CNTNAP2: variants seen among roughly 807,000 people sequenced by gnomAD.
CNTNAP2 encodes the protein contactin associated protein 2, also known as contactin-associated protein-like 2.
In CNTNAP2, 98 loss-of-function variants were observed where a neutral mutation model predicts 155.2. The observed-to-expected ratio is 0.63, with a 90% CI of 0.54 to 0.75. The LOEUF (loss-of-function observed/expected upper bound fraction) is 0.75, where lower values mean the gene tolerates loss of function less well. Among genes scored for constraint, CNTNAP2 ranks in the 30% least tolerant of loss-of-function variants. The probability of loss-of-function intolerance (pLI) is 0.00; values close to 1 mark genes in which losing one functional copy is unlikely to be tolerated. For missense variants in CNTNAP2, 1,727 were observed against 1,688.1 expected (o/e 1.02, Z -0.40); for synonymous variants, 651 against 631.2 (o/e 1.03, Z -0.47).
chr7:146,295,837 C>T (rs190790965), intron 1 of CNTNAP2, among the ~76,000 whole-genome samples: 61 of 148,852 alleles, frequency 4.1e-4, no homozygotes, highest in African/African-American at 1.3e-3. Context: ...TGCACAGCAC[C>T]GCACTCCAGC....
chr7:146,991,754 A>G (rs1313226448), intron 3 of CNTNAP2, among the ~76,000 whole-genome samples: 1 of 152,136 alleles, frequency 6.6e-6, no homozygotes, highest in East Asian at 1.9e-4. Flanking sequence ...AAATGCTGAG[A>G]TCGTTGAACA....
chr7:146,920,201 G>C (rs1017094772), intron 3 of CNTNAP2, among the ~76,000 whole-genome samples: 1 of 152,062 alleles, frequency 6.6e-6, no homozygotes, highest in Non-Finnish European at 1.5e-5. Context: ...ATCACCTGAG[G>C]TCAGGCGTTC....
At chr7:148,220,349 G>A (rs1562999761) in intron 19 of CNTNAP2, among the ~76,000 whole-genome samples, 4 of 152,260 alleles carry the variant, frequency 2.6e-5, no homozygotes, top group African/African-American at 9.6e-5. Context: ...TGATCCGCCC[G>A]CCTCGGCCTT....
At chr7:146,373,937 A>G (rs1795271602) in intron 1 of CNTNAP2, among the ~76,000 whole-genome samples, 1 of 152,214 alleles carries the variant, frequency 6.6e-6, no homozygotes. Context: ...AGGTTTGAGA[A>G]TGTTTTAAAA....
chr7:147,858,905 GTTATT>G (rs573001255), intron 13 of CNTNAP2, among the ~76,000 whole-genome samples: 47 of 152,290 alleles, frequency 3.1e-4, no homozygotes, highest in African/African-American at 1.1e-3. Flanking sequence ...AGAAAATTAA[GTTATT>G]TTGTTTGAAG....
intron 21 of CNTNAP2, among the ~76,000 whole-genome samples, chr7:148,322,693 A>G (rs562886300): frequency 6.6e-5 from 10 of 151,982 alleles, no homozygotes; most frequent in Admixed American, 2.6e-4. Context: ...AGTTTATCCA[A>G]CCTTATTTCT....
intron 1 of CNTNAP2, among the ~76,000 whole-genome samples, chr7:146,693,551 A>T (rs138020919): frequency 5.8e-4 from 89 of 152,260 alleles, no homozygotes; most frequent in African/African-American, 2.1e-3. Flanking sequence ...ATATTATAAG[A>T]TATAAGTTTA....
At chr7:147,911,143 A>T (rs939659693) in intron 14 of CNTNAP2, among the ~76,000 whole-genome samples, 11 of 151,532 alleles carry the variant, frequency 7.3e-5, no homozygotes, top group African/African-American at 2.7e-4. Flanking sequence ...GCCCCTGGCC[A>T]GTTAACCTTA....
chr7:148,238,582 T>C (rs1244633338), intron 20 of CNTNAP2, among the ~76,000 whole-genome samples: 1 of 152,172 alleles, frequency 6.6e-6, no homozygotes, highest in African/African-American at 2.4e-5. Flanking sequence ...TTCTTTGGAG[T>C]CACTAAAAGC....
chr7:146,654,384 T>A (rs1467517107), intron 1 of CNTNAP2, among the ~76,000 whole-genome samples: 1 of 152,092 alleles, frequency 6.6e-6, no homozygotes, highest in Non-Finnish European at 1.5e-5. Context: ...TATTGAGTTG[T>A]GTGGTGTTGG....
At chr7:146,965,049 ATACT>A (rs1797630005) in intron 3 of CNTNAP2, among the ~76,000 whole-genome samples, 3 of 152,224 alleles carry the variant, frequency 2.0e-5, no homozygotes, top group South Asian at 4.1e-4. Flanking sequence ...TTATGCATAA[ATACT>A]TAAATAATAA....
intron 11 of CNTNAP2, among the ~76,000 whole-genome samples, chr7:147,532,416 C>T (rs1278634697): frequency 6.6e-6 from 1 of 152,188 alleles, no homozygotes; most frequent in Non-Finnish European, 1.5e-5. Flanking sequence ...TTGTTCATGT[C>T]ACTATCAGCA....
intron 1 of CNTNAP2, among the ~76,000 whole-genome samples, chr7:146,404,254 G>A (rs1795758848): frequency 6.6e-6 from 1 of 152,018 alleles, no homozygotes; most frequent in African/African-American, 2.4e-5. Flanking sequence ...TGTTTTACAA[G>A]TAGTTGTGGA....
chr7:148,366,722 T>C (rs546932198), intron 21 of CNTNAP2, among the ~76,000 whole-genome samples: 149 of 152,260 alleles, frequency 9.8e-4, no homozygotes, highest in African/African-American at 3.5e-3. Context: ...TAAGAGGCCA[T>C]CATGCAGTTT....
At chr7:147,162,487 A>G (rs1190123227) in intron 8 of CNTNAP2, among the ~76,000 whole-genome samples, 1 of 152,218 alleles carries the variant, frequency 6.6e-6, no homozygotes, top group African/African-American at 2.4e-5. Flanking sequence ...ATGGGTGTAG[A>G]CAGGTATTAA....
At chr7:147,275,847 G>A (rs544169366) in intron 8 of CNTNAP2, among the ~76,000 whole-genome samples, 8 of 151,982 alleles carry the variant, frequency 5.3e-5, no homozygotes, top group African/African-American at 1.9e-4. Context: ...CCTTCAATCC[G>A]TAGTTTGTTG....
At chr7:147,957,740 T>C (rs1022707706) in intron 14 of CNTNAP2, among the ~76,000 whole-genome samples, 2 of 152,104 alleles carry the variant, frequency 1.3e-5, no homozygotes, top group African/African-American at 4.8e-5. Context: ...TACATATATA[T>C]TAAATGGAAA....
chr7:147,684,411 A>T (rs1795990589), intron 13 of CNTNAP2, among the ~76,000 whole-genome samples: 1 of 151,904 alleles, frequency 6.6e-6, no homozygotes, highest in Non-Finnish European at 1.5e-5. Context: ...CAAAAAAATA[A>T]TTATTTTCAA....
chr7:147,176,153 C>A (rs1802334278), intron 8 of CNTNAP2, among the ~76,000 whole-genome samples: 2 of 152,194 alleles, frequency 1.3e-5, no homozygotes, highest in South Asian at 4.1e-4. Flanking sequence ...TTAATGAGGA[C>A]CTTTTGGAAG....
Sources: gnomAD v4.1 joint callset for allele counts (sites outside exome capture counted in the v4.1 genomes callset) on GRCh38, gnomAD v4.1.1 for gene constraint, MANE v1.5 for transcripts, NCBI Gene and HGNC (gene_info 2026-07-23, HGNC 2026-07-21) for gene names.